The following TMEM132B variants were observed in gnomAD, a reference collection of about 807,000 sequenced individuals.
TMEM132B encodes transmembrane protein 132B.
In TMEM132B, 18 loss-of-function variants were observed where a neutral mutation model predicts 90.8. The observed-to-expected ratio is 0.20, with a 90% CI of 0.14 to 0.29. The LOEUF is 0.29. TMEM132B is among the 10% of genes least tolerant of loss of function. The pLI is 1.00. For synonymous variants in TMEM132B, 504 were observed against 523.3 expected (o/e 0.96, Z 0.50); for missense variants, 1,096 against 1,326.8 (o/e 0.83, Z 2.70).
At chr12:125,457,630 T>C (rs774425478) in intron 3 of TMEM132B, among the ~76,000 whole-genome samples, 2 of 152,070 alleles carry the variant, frequency 1.3e-5, no homozygotes, top group Non-Finnish European at 2.9e-5. Context: ...GGCAGGGGAA[T>C]AGTTGATTTG....
At chr12:125,400,234 A>G (rs545173977) in intron 2 of TMEM132B, among the ~76,000 whole-genome samples, 3 of 152,262 alleles carry the variant, frequency 2.0e-5, no homozygotes, top group Non-Finnish European at 4.4e-5. Flanking sequence ...AGCTAGACAC[A>G]TAAGTTTCTT....
At chr12:125,448,817 C>T (rs929403673) in intron 3 of TMEM132B, among the ~76,000 whole-genome samples, 1 of 152,160 alleles carries the variant, frequency 6.6e-6, no homozygotes, top group Non-Finnish European at 1.5e-5. Flanking sequence ...AGTTGCTCCT[C>T]ATTCTTGTCA....
chr12:125,430,196 C>T (rs967545618), intron 3 of TMEM132B, among the ~76,000 whole-genome samples: 11 of 152,192 alleles, frequency 7.2e-5, no homozygotes, highest in Non-Finnish European at 1.5e-4. Context: ...TTTAGGCACA[C>T]CTGCCCTCTT....
At chr12:125,578,996 G>T (rs973005722) in intron 4 of TMEM132B, among the ~76,000 whole-genome samples, 2 of 152,044 alleles carry the variant, frequency 1.3e-5, no homozygotes, top group Non-Finnish European at 2.9e-5. Context: ...TAAAATCTGG[G>T]ACACCTTTGC....
chr12:125,255,511 TA>T (rs1874419913), intron 1 of TMEM132B, among the ~76,000 whole-genome samples: 1 of 152,210 alleles, frequency 6.6e-6, no homozygotes, highest in Non-Finnish European at 1.5e-5. Context: ...TCCTGCTGCA[TA>T]CAGATGCCTT....
chr12:125,493,050 G>A (rs992141352), intron 3 of TMEM132B, among the ~76,000 whole-genome samples: 41 of 152,104 alleles, frequency 2.7e-4, no homozygotes, highest in Admixed American at 7.2e-4. Flanking sequence ...CGTCACCTGC[G>A]ACCTGGAAAC....
At chr12:125,245,768 CGGGGGAGTGCT>C (rs1874194275) in intron 1 of TMEM132B, among the ~76,000 whole-genome samples, 1 of 152,144 alleles carries the variant, frequency 6.6e-6, no homozygotes, top group South Asian at 2.1e-4. Context: ...CAGGCAGTGC[CGGGGGAGTGCT>C]GGGCAGATGT....
In TMEM132B at chr12:125,450,044, G is replaced by A. The variant is rs529425124; in HGVS notation, c.1106+34367G>A. Among the ~76,000 whole-genome samples the A allele has an allele frequency of 7.2e-5, 11 of 152,268 alleles. 1 individual carries two copies. In the East Asian group the frequency reaches 2.1e-3, roughly 29 times the overall value. Reference sequence around the variant, plus strand: ...CCTGTATATATGGGTATGCATGTATGTTTAACTGTATGTGTATGTGGATTT... The same window carrying A: ...CCTGTATATATGGGTATGCATGTATATTTAACTGTATGTGTATGTGGATTT... On this transcript the variant is annotated intron_variant, in intron 3 of 8. Transcript: ENST00000682704.
intron 4 of TMEM132B, among the ~76,000 whole-genome samples, chr12:125,551,640 T>TG (rs11370036): frequency 0.62 from 93,196 of 150,920 alleles, 29,714 homozygotes; most frequent in East Asian, 0.79. Context: ...TTTAACCTTT[T>TG]CTCTTTTCAT....
chr12:125,491,833 C>T (rs1034788481), intron 3 of TMEM132B, among the ~76,000 whole-genome samples: 2 of 152,150 alleles, frequency 1.3e-5, no homozygotes, highest in African/African-American at 4.8e-5. Context: ...ATCACGTGCT[C>T]CAGAGACTGA....
chr12:125,589,282 A>G (rs1885255232), intron 5 of TMEM132B, among the ~76,000 whole-genome samples: 1 of 152,130 alleles, frequency 6.6e-6, no homozygotes, highest in Admixed American at 6.5e-5. Context: ...GGAGATCGAG[A>G]CCATCCTGGC....
chr12:125,561,074 T>C (rs545434378), intron 4 of TMEM132B, among the ~76,000 whole-genome samples: 2 of 152,248 alleles, frequency 1.3e-5, no homozygotes, highest in African/African-American at 4.8e-5. Context: ...CATGCACACA[T>C]ATGTTTATTG....
chr12:125,564,978 GGGA>G (rs1884626629), intron 4 of TMEM132B, among the ~76,000 whole-genome samples: 1 of 152,176 alleles, frequency 6.6e-6, no homozygotes, highest in Non-Finnish European at 1.5e-5. Flanking sequence ...AAACTGAGGT[GGGA>G]GGAGGAGGAA....
intron 5 of TMEM132B, among the ~76,000 whole-genome samples, chr12:125,603,948 G>A (rs888680675): frequency 1.1e-4 from 16 of 150,576 alleles, no homozygotes; most frequent in African/African-American, 3.7e-4. Flanking sequence ...AAGAAACAAT[G>A]GAGACTGGCG....
intron 4 of TMEM132B, among the ~76,000 whole-genome samples, chr12:125,556,198 T>C (rs1018855901): frequency 1.3e-5 from 2 of 152,232 alleles, no homozygotes; most frequent in African/African-American, 2.4e-5. Context: ...TGATTTTTCA[T>C]GTTCTTTATC....
intron 3 of TMEM132B, among the ~76,000 whole-genome samples, chr12:125,450,323 A>G (rs905797700): frequency 1.3e-5 from 2 of 152,238 alleles, no homozygotes; most frequent in African/African-American, 4.8e-5. Flanking sequence ...AAGATAAAAA[A>G]AATGATGATG....
At chr12:125,340,655 ATTCT>A (rs1877152743) in intron 1 of TMEM132B, among the ~76,000 whole-genome samples, 1 of 152,202 alleles carries the variant, frequency 6.6e-6, no homozygotes, top group Non-Finnish European at 1.5e-5. Flanking sequence ...CTGCCACCTG[ATTCT>A]TTCTAAAAGC....
intron 2 of TMEM132B, among the ~76,000 whole-genome samples, chr12:125,398,017 C>T (rs537120362): frequency 6.6e-5 from 10 of 152,262 alleles, no homozygotes; most frequent in Admixed American, 5.9e-4. Flanking sequence ...AGTTAGGGAG[C>T]ATCAGCAGCT....
chr12:125,446,357 G>C (rs1881006320), intron 3 of TMEM132B, among the ~76,000 whole-genome samples: 1 of 152,008 alleles, frequency 6.6e-6, no homozygotes, highest in Admixed American at 6.6e-5. Flanking sequence ...TATATATTAA[G>C]GATGTGAACT....
Sources: gnomAD v4.1 joint callset for allele counts (sites outside exome capture counted in the v4.1 genomes callset) on GRCh38, gnomAD v4.1.1 for gene constraint, MANE v1.5 for transcripts, NCBI Gene and HGNC (gene_info 2026-07-23, HGNC 2026-07-21) for gene names.